The following VAV2 variants were observed in gnomAD, a reference collection of about 807,000 sequenced individuals.
The protein encoded by VAV2 is vav guanine nucleotide exchange factor 2.
In VAV2, 67 loss-of-function variants were observed where a neutral mutation model predicts 132.5. The ratio of observed to expected loss-of-function variants is 0.51; its 90% CI spans 0.42 to 0.62. VAV2 has a LOEUF of 0.62. VAV2 is among the 20% of genes least tolerant of loss of function. VAV2 has a pLI of 0.00. For synonymous variants in VAV2, 492 were observed against 443.5 expected (o/e 1.11, Z -1.37); for missense variants, 938 against 1,153.6 (o/e 0.81, Z 2.71).
chr9:133,911,269 G>A (rs968303991), intron 2 of VAV2, among the ~76,000 whole-genome samples: 5 of 152,336 alleles, frequency 3.3e-5, no homozygotes, highest in East Asian at 3.9e-4. Flanking sequence ...GCCCTGGAGC[G>A]TGCTGCCCGG....
rs1185744497 is a variant in VAV2 at position 133,834,590 on chromosome 9, G to A, written c.381-250C>T. On this transcript the variant is annotated intron_variant, in intron 3 of 29. Coordinates refer to ENST00000371850, the MANE Select transcript of VAV2 (RefSeq NM_001134398.2). The surrounding 1 kb of genome is among the most constrained non-coding windows in gnomAD (Gnocchi z 5.9). The stretch of plus-strand genomic sequence containing the variant: ...AAGGAATGTGTCACGCCCACTCCGG[G>A]CTCCGGGTGTCCAGTGGGAAGACGA... Among the ~76,000 whole-genome samples, 3 of 152,250 alleles carry A rather than the reference G, an allele frequency of 2.0e-5. No homozygotes were observed. Among genetic ancestry groups the A allele is most frequent in the Non-Finnish European group, 4.4e-5 (3 of 68,042 alleles).
intron 1 of VAV2, among the ~76,000 whole-genome samples, chr9:133,939,877 G>A (rs1340394804): frequency 2.0e-5 from 3 of 152,220 alleles, no homozygotes; most frequent in Non-Finnish European, 4.4e-5. Flanking sequence ...GAGCACAAAA[G>A]CCAGAATTCC....
At chr9:133,855,266 C>T (rs181758060) in intron 3 of VAV2, among the ~76,000 whole-genome samples, 21 of 152,330 alleles carry the variant, frequency 1.4e-4, no homozygotes, top group African/African-American at 4.3e-4. Context: ...CATTCGTTCA[C>T]GGAGGTGTGG....
chr9:133,891,769 G>GAA, intron 2 of VAV2, among the ~76,000 whole-genome samples: 1 of 68,398 alleles, frequency 1.5e-5, no homozygotes, highest in Non-Finnish European at 2.9e-5. Context: ...GGGGAGCGAT[G>GAA]GAGAGGGATG....
chr9:133,946,822 TG>T (rs1408344898), intron 1 of VAV2, among the ~76,000 whole-genome samples: 1 of 152,222 alleles, frequency 6.6e-6, no homozygotes, highest in African/African-American at 2.4e-5. Flanking sequence ...CTTGATGGAA[TG>T]GATCAAATTT....
At chr9:133,977,412 G>T (rs994254880) in intron 1 of VAV2, among the ~76,000 whole-genome samples, 1 of 152,180 alleles carries the variant, frequency 6.6e-6, no homozygotes, top group African/African-American at 2.4e-5. Context: ...AGGGTCTCAG[G>T]ATGCGGCGCT....
chr9:133,848,160 G>A (rs1184287754), intron 3 of VAV2, among the ~76,000 whole-genome samples: 2 of 151,162 alleles, frequency 1.3e-5, no homozygotes, highest in South Asian at 2.1e-4. Context: ...GGCGCCTGTA[G>A]TTCCAGCTAC....
intron 2 of VAV2, among the ~76,000 whole-genome samples, chr9:133,875,403 C>G (rs139849050): frequency 3.3e-5 from 5 of 152,364 alleles, no homozygotes; most frequent in African/African-American, 9.6e-5. Context: ...GGCTAAGGAG[C>G]TCATCAGGCA....
At chr9:133,942,713 G>C (rs376497206) in intron 1 of VAV2, among the ~76,000 whole-genome samples, 1 of 152,170 alleles carries the variant, frequency 6.6e-6, no homozygotes, top group Non-Finnish European at 1.5e-5. Flanking sequence ...TGGGCCCAGC[G>C]CACCCCTTTC....
At chr9:133,847,394 G>A (rs942162403) in intron 3 of VAV2, among the ~76,000 whole-genome samples, 7 of 152,232 alleles carry the variant, frequency 4.6e-5, no homozygotes, top group African/African-American at 9.6e-5. Flanking sequence ...CTGAAACCTC[G>A]GTGCTGGACA....
chr9:133,906,160 T>C (rs1459526284), intron 2 of VAV2, among the ~76,000 whole-genome samples: 2 of 152,152 alleles, frequency 1.3e-5, no homozygotes, highest in Non-Finnish European at 2.9e-5. Context: ...AAGCTACAGG[T>C]GCTGGCCCCT....
At chr9:133,786,659 C>A (rs1468127) in intron 16 of VAV2, among the ~76,000 whole-genome samples, 2 of 152,096 alleles carry the variant, frequency 1.3e-5, no homozygotes, top group Non-Finnish European at 1.5e-5. Flanking sequence ...TGGGGCACCC[C>A]CCGTGAAGCC....
chr9:133,875,084 C>T (rs943977685), intron 2 of VAV2, among the ~76,000 whole-genome samples: 1 of 152,194 alleles, frequency 6.6e-6, no homozygotes, highest in Admixed American at 6.5e-5. Context: ...CAGGCTCTCC[C>T]GCTGCAGACC....
chr9:133,775,000 G>A lies in VAV2; in HGVS notation c.2070C>T (p.His690=), dbSNP rs7875953. The A allele has an allele frequency of 5.1e-3, 8,236 of 1,613,484 alleles. 341 individuals carry two copies. In the African/African-American group the frequency reaches 0.094, roughly 18 times the overall value. ...RQQTDNLLKS[H]ASGTYLIRER... ...CCCTGATCAGGTAGGTCCCGCTGGC[G>A]TGGGACTTGAGCAGGTTGTCCGTCT... The change falls in exon 25 of 30, where the codon CAC becomes CAT. Residue 690 remains histidine, a synonymous_variant. Coordinates refer to ENST00000371850, the MANE Select transcript of VAV2 (RefSeq NM_001134398.2).
intron 1 of VAV2, among the ~76,000 whole-genome samples, chr9:133,988,589 T>C (rs936947645): frequency 7.9e-5 from 12 of 151,978 alleles, no homozygotes; most frequent in East Asian, 3.9e-4. Flanking sequence ...CCACCAAGGG[T>C]GGAGATGACT....
At chr9:133,790,041 T>C (rs960214117) in intron 13 of VAV2, among the ~76,000 whole-genome samples, 1 of 152,194 alleles carries the variant, frequency 6.6e-6, no homozygotes, top group Non-Finnish European at 1.5e-5. Flanking sequence ...TGGTGTCACA[T>C]AGTCCCAGTC....
chr9:133,974,279 C>T (rs1434928409), intron 1 of VAV2, among the ~76,000 whole-genome samples: 1 of 152,160 alleles, frequency 6.6e-6, no homozygotes, highest in South Asian at 2.1e-4. Context: ...TGAGTGAATA[C>T]CCAGGCCCAC....
Position 133,788,221 on chromosome 9 carries a change from C to T in VAV2, c.1407+133G>A, listed in dbSNP as rs1228081890. The T allele has an allele frequency of 7.9e-6, 5 of 633,212 alleles. No individual in the cohort carries two copies. The highest frequency in any genetic ancestry group is 1.8e-5 in the African/African-American group (1 of 54,530). The allele number at this position is 633,212 out of a possible 1,614,324, so 39.2% of individuals were successfully genotyped here. A position where few individuals can be genotyped will look rare whatever the true frequency, so the allele number is the denominator to read the frequency against. On this transcript the variant is annotated intron_variant, in intron 15 of 29. Coordinates refer to ENST00000371850, the MANE Select transcript of VAV2 (RefSeq NM_001134398.2). The surrounding 1 kb of genome is among the most constrained non-coding windows in gnomAD (Gnocchi z 5.3). ...GAGGAGCCTTCCTGCAGAGCGGAGACGCCCACCCCAACCCACCCGGCCAGC... is the reference window on the plus strand; with the variant it reads ...GAGGAGCCTTCCTGCAGAGCGGAGATGCCCACCCCAACCCACCCGGCCAGC...
Position 133,949,644 on chromosome 9 carries a change from A to G in VAV2, c.205-10425T>C, listed in dbSNP as rs560883658. The stretch of plus-strand genomic sequence containing the variant: ...ATGGGAAACAGGCTTCCCAGAGAAG[A>G]TGCCAGAAGACTCAGAGGGCCCAGC... On this transcript the variant is annotated intron_variant, in intron 1 of 29. Transcript: ENST00000371850. Among the ~76,000 whole-genome samples the G allele has an allele frequency of 1.1e-4, 17 of 152,324 alleles. 1 individual carries two copies. In the South Asian group the frequency reaches 2.3e-3, roughly 20 times the overall value.
Sources: gnomAD v4.1 joint callset for allele counts (sites outside exome capture counted in the v4.1 genomes callset) on GRCh38, gnomAD v4.1.1 for gene constraint, Gnocchi (gnomAD v3.1) non-coding constraint, MANE v1.5 for transcripts, NCBI Gene and HGNC (gene_info 2026-07-23, HGNC 2026-07-21) for gene names.